The following OTUD7A variants were observed in gnomAD, a reference collection of about 807,000 sequenced individuals.
OTUD7A encodes OTU deubiquitinase 7A, also known as OTU domain-containing protein 7A.
A neutral mutation model predicts 65.7 loss-of-function variants in OTUD7A; 12 were observed. The ratio of observed to expected loss-of-function variants is 0.18; its 90% CI spans 0.12 to 0.30. The LOEUF is 0.30. OTUD7A is among the 10% of genes least tolerant of loss of function. The pLI is 1.00. For missense variants in OTUD7A, 1,148 were observed against 1,304.8 expected, an observed-to-expected ratio of 0.88 and a Z score of 1.85; for synonymous variants, 641 against 586.3, an observed-to-expected ratio of 1.09 and a Z score of -1.35.
Position 31,498,316 on chromosome 15 carries a change from T to C in OTUD7A, c.1171+3374A>G, listed in dbSNP as rs140948121. Among the ~76,000 whole-genome samples the C allele has an allele frequency of 1.8e-4, 28 of 152,308 alleles. No individual in the cohort carries two copies. The highest frequency in any genetic ancestry group is 3.7e-4 in the Non-Finnish European group (25 of 68,016). ...CAGAAATGCAGATTATTTTATTACA[T>C]TGGTTTCCTTTGATTTCTCCTGATG... On this transcript the variant is annotated intron_variant, in intron 10 of 12. Coordinates refer to ENST00000307050, the MANE Select transcript of OTUD7A (RefSeq NM_001382637.1). This position sits in a 1 kb window ranked among gnomAD's most constrained non-coding sequence, Gnocchi z 4.2.
At chr15:31,507,781 T>G (rs1456220511) in intron 8 of OTUD7A, among the ~76,000 whole-genome samples, 1 of 152,188 alleles carries the variant, frequency 6.6e-6, no homozygotes, top group Non-Finnish European at 1.5e-5. Flanking sequence ...GAGCACTGAT[T>G]GGTGTGTTTT....
chr15:31,813,626 T>C (rs1183026713), intron 1 of OTUD7A, among the ~76,000 whole-genome samples: 1 of 152,244 alleles, frequency 6.6e-6, no homozygotes, highest in African/African-American at 2.4e-5. Flanking sequence ...GCCTTTGACA[T>C]GCTAATGGAC....
At chr15:31,722,478 A>C (rs1488178543) in intron 1 of OTUD7A, among the ~76,000 whole-genome samples, 3 of 152,262 alleles carry the variant, frequency 2.0e-5, no homozygotes, top group Admixed American at 6.5e-5. Context: ...GCAGGTTTGC[A>C]AACACACTCC....
chr15:31,570,213 G>C lies in OTUD7A; in HGVS notation c.152-16C>G. 2 of 1,612,634 alleles carry C rather than the reference G, an allele frequency of 1.2e-6. No individual in the cohort carries two copies. Among genetic ancestry groups the C allele is most frequent in the Non-Finnish European group, 1.7e-6 (2 of 1,178,758 alleles). ...CAGTTTTTGCCTGTGGACAAGAAAT[G>C]ACAAGAGGTGACAATACGAACGCAT... On this transcript the variant is annotated splice_polypyrimidine_tract_variant and intron_variant, in intron 3 of 12. Coordinates refer to ENST00000307050, the MANE Select transcript of OTUD7A (RefSeq NM_001382637.1).
intron 1 of OTUD7A, among the ~76,000 whole-genome samples, chr15:31,722,848 T>C (rs1249967137): frequency 6.6e-6 from 1 of 152,228 alleles, no homozygotes. Flanking sequence ...ACAGAGGCCA[T>C]GGGATTTCCA....
At chr15:31,553,899 G>A (rs1888406911) in intron 5 of OTUD7A, among the ~76,000 whole-genome samples, 1 of 151,982 alleles carries the variant, frequency 6.6e-6, no homozygotes, top group African/African-American at 2.4e-5. Context: ...TGTCAGATGT[G>A]AATCAAGACG....
intron 1 of OTUD7A, among the ~76,000 whole-genome samples, chr15:31,714,709 C>G (rs2174101): frequency 0.49 from 74,372 of 151,950 alleles, 20,622 homozygotes; most frequent in South Asian, 0.68. Flanking sequence ...AACAGCATTA[C>G]TGGCATTCAG....
intron 8 of OTUD7A, among the ~76,000 whole-genome samples, chr15:31,515,217 C>T (rs1314111641): frequency 1.3e-5 from 2 of 152,140 alleles, no homozygotes; most frequent in Admixed American, 6.5e-5. Context: ...AGGAGCTGCT[C>T]TTGAGTCAGG....
intron 1 of OTUD7A, among the ~76,000 whole-genome samples, chr15:31,869,863 A>G (rs1595827688): frequency 6.6e-6 from 1 of 152,330 alleles, no homozygotes; most frequent in East Asian, 1.9e-4. Flanking sequence ...GAGCACTTAA[A>G]GCACCGCAGA....
chr15:31,595,103 G>C (rs962141059), intron 3 of OTUD7A, among the ~76,000 whole-genome samples: 1 of 152,214 alleles, frequency 6.6e-6, no homozygotes, highest in Non-Finnish European at 1.5e-5. Context: ...TTGGAGGGCA[G>C]CATTCTTGGT....
At chr15:31,707,908 G>A (rs1217701291) in intron 1 of OTUD7A, among the ~76,000 whole-genome samples, 5 of 151,898 alleles carry the variant, frequency 3.3e-5, no homozygotes, top group Non-Finnish European at 7.4e-5. Flanking sequence ...CTTGCTTTTG[G>A]TATGAATTCC....
chr15:31,824,664 G>A (rs537265466), intron 1 of OTUD7A, among the ~76,000 whole-genome samples: 4 of 152,054 alleles, frequency 2.6e-5, no homozygotes, highest in South Asian at 2.1e-4. Context: ...TCACACATCC[G>A]CTCCCTTCAC....
intron 1 of OTUD7A, among the ~76,000 whole-genome samples, chr15:31,759,540 C>T (rs1224347554): frequency 1.3e-5 from 2 of 152,122 alleles, no homozygotes; most frequent in African/African-American, 4.8e-5. Flanking sequence ...GCATTTTTGC[C>T]TTTTCGTTTT....
intron 1 of OTUD7A, among the ~76,000 whole-genome samples, chr15:31,829,817 G>A (rs2140982083): frequency 6.6e-6 from 1 of 152,320 alleles, no homozygotes; most frequent in South Asian, 2.1e-4. Flanking sequence ...TTACACCTGA[G>A]TCTTTTACCT....
At chr15:31,772,911 A>G (rs1895278425) in intron 1 of OTUD7A, among the ~76,000 whole-genome samples, 1 of 152,220 alleles carries the variant, frequency 6.6e-6, no homozygotes, top group African/African-American at 2.4e-5. Context: ...ATGTCAAGTA[A>G]TGCTACAGGA....
chr15:31,793,958 T>A (rs1279944484), intron 1 of OTUD7A, among the ~76,000 whole-genome samples: 2 of 152,244 alleles, frequency 1.3e-5, no homozygotes, highest in African/African-American at 2.4e-5. Context: ...AAATTCTTAA[T>A]TTTGATGTGA....
At chr15:31,545,578 A>C (rs1888105444) in intron 5 of OTUD7A, among the ~76,000 whole-genome samples, 1 of 152,176 alleles carries the variant, frequency 6.6e-6, no homozygotes, top group Non-Finnish European at 1.5e-5. Context: ...AGGCAATCTT[A>C]AAAATGGGTA....
chr15:31,829,805 C>T (rs1171163252), intron 1 of OTUD7A, among the ~76,000 whole-genome samples: 2 of 152,208 alleles, frequency 1.3e-5, no homozygotes. Flanking sequence ...AAAGGCTGTT[C>T]CTTACACCTG....
chr15:31,506,403 T>A (rs2141088346), intron 8 of OTUD7A, among the ~76,000 whole-genome samples: 1 of 152,292 alleles, frequency 6.6e-6, no homozygotes, highest in Non-Finnish European at 1.5e-5. Flanking sequence ...GACTTAAATT[T>A]TGCAGCTATT....
Sources: allele counts gnomAD v4.1 joint callset (sites outside exome capture counted in the v4.1 genomes callset), GRCh38; gene constraint gnomAD v4.1.1; non-coding constraint Gnocchi (gnomAD v3.1); transcripts MANE v1.5; gene names NCBI Gene and HGNC (gene_info 2026-07-23, HGNC 2026-07-21).